Variants in GAB2 observed in about 807,000 individuals in gnomAD.
GAB2 encodes GRB2-associated-binding protein 2.
A neutral mutation model predicts 65.5 loss-of-function variants in GAB2; 26 were observed. The ratio of observed to expected loss-of-function variants is 0.40; its 90% CI spans 0.29 to 0.55. GAB2 has a LOEUF of 0.55. Ranked by LOEUF, GAB2 falls within the 20% of genes least tolerant of loss-of-function variation. The probability of loss-of-function intolerance (pLI) is 0.53; values close to 1 mark genes in which losing one functional copy is unlikely to be tolerated. For synonymous variants in GAB2, 321 were observed against 329.6 expected (o/e 0.97, Z 0.28); for missense variants, 884 against 875.8 (o/e 1.01, Z -0.12).
intron 3 of GAB2, among the ~76,000 whole-genome samples, chr11:78,234,965 A>T (rs1247492516): frequency 2.6e-5 from 4 of 151,928 alleles, no homozygotes; most frequent in Non-Finnish European, 5.9e-5. Flanking sequence ...AGCTGAGATC[A>T]TGCCACTGCA....
chr11:78,217,845 G>A lies in GAB2; in HGVS notation c.*1427C>T. On this transcript the variant is annotated 3_prime_UTR_variant, in exon 10 of 10. Transcript: ENST00000361507. ...ACCAGGCCAGACTCGTTCCTACCCT[G>A]CGATCTGACATACGCCACAGCCCAT... 6.6e-6 allele frequency: 1 copy of A among 152,372 alleles called. No homozygotes were observed. Among genetic ancestry groups the A allele is most frequent in the Non-Finnish European group, 1.5e-5 (1 of 68,104 alleles). The allele number at this position is 152,372 out of a possible 1,614,324, so 9.4% of individuals were successfully genotyped here. A position where few individuals can be genotyped will look rare whatever the true frequency, so the allele number is the denominator to read the frequency against.
intron 1 of GAB2, among the ~76,000 whole-genome samples, chr11:78,305,378 A>C (rs1855333881): frequency 6.6e-6 from 1 of 152,218 alleles, no homozygotes; most frequent in Non-Finnish European, 1.5e-5. Flanking sequence ...ATTTACTTTA[A>C]GGTATAAAAC....
intron 2 of GAB2, among the ~76,000 whole-genome samples, chr11:78,274,974 T>A (rs568745769): frequency 1.3e-5 from 2 of 152,222 alleles, no homozygotes; most frequent in Non-Finnish European, 2.9e-5. Context: ...TCGTTGTTGT[T>A]TCAAAGGATT....
intron 1 of GAB2, among the ~76,000 whole-genome samples, chr11:78,287,728 A>G (rs775870344): frequency 6.7e-6 from 1 of 150,024 alleles, no homozygotes; most frequent in Non-Finnish European, 1.5e-5. Flanking sequence ...GGCTCACTGC[A>G]AGCTCCGCTT....
intron 1 of GAB2, among the ~76,000 whole-genome samples, chr11:78,320,074 A>G (rs931732041): frequency 6.6e-6 from 1 of 152,308 alleles, no homozygotes; most frequent in Admixed American, 6.5e-5. Flanking sequence ...GGGTTTCGCC[A>G]TGTTGGCCAG....
chr11:78,235,021 CCGGGAGGGGCTGCCAT>C (rs1477035251), intron 3 of GAB2, among the ~76,000 whole-genome samples: 3 of 152,006 alleles, frequency 2.0e-5, no homozygotes, highest in African/African-American at 7.2e-5. Flanking sequence ...TCCCGGGCCA[CCGGGAGGGGCTGCCAT>C]GAAGGTCTCT....
chr11:78,282,503 T>C (rs925514261), intron 1 of GAB2, among the ~76,000 whole-genome samples: 16 of 152,050 alleles, frequency 1.1e-4, no homozygotes, highest in Non-Finnish European at 1.8e-4. Context: ...GAGACAGGGC[T>C]TCACCATGTT....
At chr11:78,406,510 T>C (rs1229619663) in intron 1 of GAB2, among the ~76,000 whole-genome samples, 2 of 152,110 alleles carry the variant, frequency 1.3e-5, no homozygotes, top group Non-Finnish European at 2.9e-5. Context: ...CCGAAGTAGC[T>C]GGGATTACAG....
intron 1 of GAB2, among the ~76,000 whole-genome samples, chr11:78,411,405 T>A (rs1056002139): frequency 6.6e-6 from 1 of 152,070 alleles, no homozygotes; most frequent in East Asian, 1.9e-4. Flanking sequence ...TAAAACACTT[T>A]GAAAAATAAG....
At chr11:78,417,618 G>A in intron 1 of GAB2, 28 bp downstream of exon 1, 1 of 1,207,164 alleles carries the variant, frequency 8.3e-7, no homozygotes, top group South Asian at 1.6e-5. Context: ...CCCCCCGCCC[G>A]CCCCTGGGCG....
chr11:78,302,342 A>G (rs1323875462), intron 1 of GAB2, among the ~76,000 whole-genome samples: 1 of 152,208 alleles, frequency 6.6e-6, no homozygotes, highest in Non-Finnish European at 1.5e-5. Context: ...TTAGCAAGAA[A>G]AAAACAATCT....
At chr11:78,276,886 C>T (rs991296875) in intron 2 of GAB2, among the ~76,000 whole-genome samples, 36 of 152,140 alleles carry the variant, frequency 2.4e-4, no homozygotes, top group Non-Finnish European at 7.3e-5. Context: ...GGCACAATCT[C>T]GGCTCACTAC....
Position 78,400,122 on chromosome 11 carries a change from T to G in GAB2, c.75+17524A>C, listed in dbSNP as rs536739270. ...AAATATTCCCCCCAGCTCTGAACTT[T>G]CAAAACTTCCTGCTTTCTGCTACAG... On this transcript the variant is annotated intron_variant, in intron 1 of 9. Transcript: ENST00000361507. Among the ~76,000 whole-genome samples, 271 of 152,308 alleles carry G rather than the reference T, an allele frequency of 1.8e-3. 1 individual carries two copies. Among genetic ancestry groups the G allele is most frequent in the Admixed American group, 3.1e-3 (47 of 15,300 alleles).
At chr11:78,265,059 T>C (rs1480428599) in intron 2 of GAB2, among the ~76,000 whole-genome samples, 7 of 152,124 alleles carry the variant, frequency 4.6e-5, no homozygotes, top group Admixed American at 3.9e-4. Context: ...GAATGTCTTA[T>C]TTCTATTTTA....
chr11:78,288,990 A>G (rs973389541), intron 1 of GAB2, among the ~76,000 whole-genome samples: 6 of 152,274 alleles, frequency 3.9e-5, no homozygotes, highest in African/African-American at 1.4e-4. Flanking sequence ...GGAATAGATC[A>G]ATTCTTGGCC....
At chr11:78,399,986 A>G (rs1856948980) in intron 1 of GAB2, among the ~76,000 whole-genome samples, 1 of 152,224 alleles carries the variant, frequency 6.6e-6, no homozygotes, top group African/African-American at 2.4e-5. Flanking sequence ...ATATACACTG[A>G]CATTTCACAC....
At chr11:78,265,006 T>C (rs2134552679) in intron 2 of GAB2, among the ~76,000 whole-genome samples, 3 of 152,280 alleles carry the variant, frequency 2.0e-5, no homozygotes, top group Admixed American at 2.0e-4. Flanking sequence ...CACTATGCTA[T>C]ATGCTTTAAG....
At chr11:78,302,425 GA>G in intron 1 of GAB2, among the ~76,000 whole-genome samples, 1 of 151,936 alleles carries the variant, frequency 6.6e-6, no homozygotes, top group Non-Finnish European at 1.5e-5. Flanking sequence ...ACAGACATAT[GA>G]AAAAATGCTC....
intron 1 of GAB2, among the ~76,000 whole-genome samples, chr11:78,403,313 T>C (rs1443631561): frequency 6.6e-6 from 1 of 152,266 alleles, no homozygotes; most frequent in Non-Finnish European, 1.5e-5. Context: ...TTTAAAGAGT[T>C]AAACTGCAGG....
Sources: allele counts gnomAD v4.1 joint callset (sites outside exome capture counted in the v4.1 genomes callset), GRCh38; gene constraint gnomAD v4.1.1; transcripts MANE v1.5; gene names NCBI Gene and HGNC (gene_info 2026-07-23, HGNC 2026-07-21).